DDX4: variants seen among roughly 807,000 people sequenced by gnomAD.
DDX4 encodes DEAD-box helicase 4.
In DDX4, 25 loss-of-function variants were observed where a neutral mutation model predicts 100.0. The observed-to-expected ratio is 0.25, with a 90% CI of 0.18 to 0.35. The LOEUF is 0.35. DDX4 is among the 10% of genes least tolerant of loss of function. The pLI is 1.00. For synonymous variants in DDX4, 259 were observed against 275.7 expected (o/e 0.94, Z 0.60); for missense variants, 635 against 882.4 (o/e 0.72, Z 3.55).
At chr5:55,752,912 A>G (rs2111685533) in intron 3 of DDX4, among the ~76,000 whole-genome samples, 1 of 150,780 alleles carries the variant, frequency 6.6e-6, no homozygotes, top group Non-Finnish European at 1.5e-5. Context: ...TGTGGTTTTG[A>G]TTTGCATTTC....
Position 55,767,930 on chromosome 5 carries a change from C to G in DDX4, c.384C>G (p.Ser128=), listed in dbSNP as rs769267053. The G allele has an allele frequency of 3.1e-6, 5 of 1,613,830 alleles. No individual in the cohort carries two copies. The highest frequency in any genetic ancestry group is 4.2e-6 in the Non-Finnish European group (5 of 1,179,876). The part of the protein sequence containing the change: ...EDNPTRNRGF[S]KRGGYRDGNN... ...ATCCAACACGGAACAGAGGGTTTTC[C>G]AAGAGAGGCGGTAAGGACCACATTT... is the stretch of plus-strand genomic sequence containing the variant. Residue 128 remains serine, a synonymous_variant, in exon 7 of 22, where the codon TCC becomes TCG. Transcript: ENST00000505374.
chr5:55,739,402 A>G (rs1255212911), intron 2 of DDX4, among the ~76,000 whole-genome samples: 6 of 152,202 alleles, frequency 3.9e-5, no homozygotes, highest in Non-Finnish European at 7.3e-5. Flanking sequence ...CTGAAAATTG[A>G]TTTTGTGCAA....
intron 3 of DDX4, among the ~76,000 whole-genome samples, chr5:55,752,876 C>G (rs1257257537): frequency 6.7e-6 from 1 of 150,206 alleles, no homozygotes; most frequent in East Asian, 1.9e-4. Context: ...GATTGCCATT[C>G]TAACTGGTGT....
intron 8 of DDX4, 128 bp from the exon 9 acceptor site, chr5:55,780,938 C>G: frequency 3.1e-6 from 2 of 655,602 alleles, no homozygotes; most frequent in South Asian, 4.8e-5. Flanking sequence ...TTTAATAGGA[C>G]AGTATTTTTC....
At chr5:55,742,308 AACTG>A (rs1315751737) in intron 2 of DDX4, 1 of 449,284 alleles carries the variant, frequency 2.2e-6, no homozygotes, top group South Asian at 1.6e-5. Context: ...GCCTCTTGTT[AACTG>A]ACCGTGAATG....
intron 2 of DDX4, among the ~76,000 whole-genome samples, chr5:55,745,870 A>G (rs982284273): frequency 3.3e-5 from 5 of 152,248 alleles, no homozygotes; most frequent in African/African-American, 1.2e-4. Flanking sequence ...TTGCTGTTGT[A>G]GTACTTCAAT....
rs1308951225 is a variant in DDX4, at chr5:55,790,756, T to G, written c.1302+51T>G. Reference sequence around the variant, plus strand: ...TGTGAGATTGATACTTTTTGTTTGGTATGGGAAAAGGAAAGAATGAGGTAA... The same window carrying G: ...TGTGAGATTGATACTTTTTGTTTGGGATGGGAAAAGGAAAGAATGAGGTAA... On this transcript the variant is annotated intron_variant, in intron 16 of 21. Transcript: ENST00000505374. 4 of 1,564,606 alleles carry G rather than the reference T, an allele frequency of 2.6e-6. No individual in the cohort carries two copies. In the South Asian group the frequency reaches 4.5e-5, roughly 18 times the overall value.
intron 3 of DDX4, among the ~76,000 whole-genome samples, chr5:55,748,122 A>G (rs993146634): frequency 1.3e-5 from 2 of 152,198 alleles, no homozygotes; most frequent in South Asian, 4.1e-4. Context: ...TGACTTTGCT[A>G]TTTTCAAAAT....
At chr5:55,802,266 G>T (rs1447235667) in intron 18 of DDX4, among the ~76,000 whole-genome samples, 2 of 152,056 alleles carry the variant, frequency 1.3e-5, no homozygotes, top group African/African-American at 4.8e-5. Context: ...GTTGGGATGG[G>T]GTGTCAGTGA....
chr5:55,797,254 C>G (rs982781413), intron 17 of DDX4, among the ~76,000 whole-genome samples: 1 of 152,176 alleles, frequency 6.6e-6, no homozygotes, highest in African/African-American at 2.4e-5. Flanking sequence ...ACATAGTGTT[C>G]AGTAAACATT....
intron 13 of DDX4, 141 bp downstream of exon 13, chr5:55,786,012 T>C (rs1742223400): frequency 3.6e-6 from 2 of 556,880 alleles, no homozygotes; most frequent in Non-Finnish European, 6.3e-6. Flanking sequence ...TAGAATGATG[T>C]CTTACCATCT....
intron 6 of DDX4, chr5:55,767,073 A>C: frequency 3.6e-6 from 5 of 1,385,726 alleles, no homozygotes; most frequent in Non-Finnish European, 4.7e-6. Context: ...GATATCCCCA[A>C]ATTATTTCAT....
At position 55,798,436 on chromosome 5, in the gene DDX4, G is replaced by C; in HGVS notation, c.1480G>C (p.Glu494Gln). ...FPEEIQRLAA[E>Q]FLKSNYLFVA... is the part of the protein sequence containing the mutation. ...CTTTTGTTTTTCAAGGTTGGCTGCAGAGTTTTTAAAGTCAAATTATCTGTT... is the reference window on the plus strand; with the variant it reads ...CTTTTGTTTTTCAAGGTTGGCTGCACAGTTTTTAAAGTCAAATTATCTGTT... Residue 494 changes from glutamate to glutamine, a missense_variant, in exon 18 of 22, where the codon GAG (glutamate) becomes CAG (glutamine). Coordinates refer to ENST00000505374, the MANE Select transcript of DDX4 (RefSeq NM_024415.3). 6.2e-7 allele frequency: 1 copy of C among 1,611,754 alleles called. No homozygotes were observed. Among genetic ancestry groups the C allele is most frequent in the Non-Finnish European group, 8.5e-7 (1 of 1,178,964 alleles).
intron 4 of DDX4, among the ~76,000 whole-genome samples, chr5:55,761,976 T>C (rs1740584422): frequency 6.6e-6 from 1 of 152,222 alleles, no homozygotes; most frequent in South Asian, 2.1e-4. Flanking sequence ...GTTTTTGAAG[T>C]TGACTCTTCA....
intron 10 of DDX4, 134 bp downstream of exon 10, chr5:55,782,115 T>C (rs1345419756): frequency 2.1e-6 from 2 of 959,744 alleles, no homozygotes; most frequent in Non-Finnish European, 3.1e-6. Flanking sequence ...TTTTATACAC[T>C]GTGAGGACCA....
intron 15 of DDX4, 28 bp from the exon 16 acceptor site, chr5:55,790,548 A>G (rs754514685): frequency 6.7e-7 from 1 of 1,491,542 alleles, no homozygotes; most frequent in South Asian, 1.2e-5. Context: ...AGTAACTAGA[A>G]AATAACATTT....
At chr5:55,741,098 G>A (rs1758955814) in intron 2 of DDX4, among the ~76,000 whole-genome samples, 1 of 152,010 alleles carries the variant, frequency 6.6e-6, no homozygotes, top group Non-Finnish European at 1.5e-5. Flanking sequence ...GGTCTTAATA[G>A]CCATCTGTCC....
chr5:55,796,945 G>A (rs1005717618), intron 17 of DDX4, among the ~76,000 whole-genome samples: 5 of 143,154 alleles, frequency 3.5e-5, no homozygotes, highest in Non-Finnish European at 6.0e-5. Context: ...TGGCTGAAGC[G>A]ATCCTAGGCC....
intron 17 of DDX4, among the ~76,000 whole-genome samples, chr5:55,794,882 C>T (rs1342821290): frequency 1.3e-5 from 2 of 152,026 alleles, no homozygotes; most frequent in African/African-American, 2.4e-5. Flanking sequence ...ATGATATATC[C>T]GTTCCCTTGG....
Sources: gnomAD v4.1 joint callset for allele counts (sites outside exome capture counted in the v4.1 genomes callset) on GRCh38, gnomAD v4.1.1 for gene constraint, MANE v1.5 for transcripts, NCBI Gene and HGNC (gene_info 2026-07-23, HGNC 2026-07-21) for gene names.